SPTBN5: variants seen among roughly 807,000 people sequenced by gnomAD.
SPTBN5 encodes the protein spectrin beta, non-erythrocytic 5, also known as spectrin beta chain, non-erythrocytic 5.
SPTBN5 carries 513 observed loss-of-function variants against 477.6 expected under a neutral mutation model. The observed-to-expected ratio is 1.07, with a 90% CI of 1.00 to 1.16. The LOEUF is 1.16. Among genes scored for constraint, SPTBN5 ranks in the 50% most tolerant of loss-of-function variants. The pLI is 0.00. For missense variants in SPTBN5, 5,062 were observed against 4,731.8 expected, an observed-to-expected ratio of 1.07 and a Z score of -2.05; for synonymous variants, 2,169 against 2,011.7, an observed-to-expected ratio of 1.08 and a Z score of -2.09.
intron 51 of SPTBN5, 78 bp downstream of exon 51, chr15:41,857,160 G>A (rs184960936): frequency 2.0e-6 from 3 of 1,520,312 alleles, no homozygotes; most frequent in African/African-American, 1.4e-5. Context: ...AAAGTGAGAA[G>A]ACATCAGTTA....
rs2067282334 is a variant in SPTBN5 at position 41,890,673 on chromosome 15, G to A, written c.385-468C>T. Among the ~76,000 whole-genome samples the A allele has an allele frequency of 3.3e-5, 5 of 152,182 alleles. No individual in the cohort carries two copies. In the South Asian group the frequency reaches 6.2e-4, roughly 19 times the overall value. ...AATCTCAGCCCTCTTCTTCTGTTCCGGCTCCAACAGGGCCAGCTATAAATC... is the reference window on the plus strand; with the variant it reads ...AATCTCAGCCCTCTTCTTCTGTTCCAGCTCCAACAGGGCCAGCTATAAATC... On this transcript the variant is annotated intron_variant, in intron 3 of 67. Coordinates refer to ENST00000320955, the MANE Select transcript of SPTBN5 (RefSeq NM_016642.4).
At chr15:41,876,084 G>A in intron 21 of SPTBN5, 30 bp downstream of exon 21, 1 of 1,581,746 alleles carries the variant, frequency 6.3e-7, no homozygotes, top group Non-Finnish European at 8.6e-7. Context: ...AGACAAGGAG[G>A]CTCTGCACCC....
rs1195769498 is a variant in SPTBN5 at position 41,887,393 on chromosome 15, G to A, written c.708C>T (p.His236=). 2 of 1,554,380 alleles carry A rather than the reference G, an allele frequency of 1.3e-6. No homozygotes were observed. The highest frequency in any genetic ancestry group is 1.9e-5 in the Admixed American group (1 of 51,322). Residue 236 remains histidine, a synonymous_variant, in exon 6 of 68, where the codon CAC becomes CAT. Transcript: ENST00000320955. ...CCACCAGGAAAGCAAAAGCAAGGTTGTGCAGTGGGCGGTCTGGACGCAGGG... is the reference window on the plus strand; with the variant it reads ...CCACCAGGAAAGCAAAAGCAAGGTTATGCAGTGGGCGGTCTGGACGCAGGG... ...YGSLRPDRPL[H]NLAFAFLVAE... is the part of the protein sequence containing the mutation.
intron 66 of SPTBN5, 31 bp downstream of exon 66, chr15:41,850,823 G>A (rs374969278): frequency 1.3e-4 from 203 of 1,552,052 alleles, no homozygotes; most frequent in South Asian, 4.9e-4. Context: ...GGAGTCGGCC[G>A]CCCTCCCCGC....
chr15:41,887,507 T>G, intron 5 of SPTBN5, 66 bp from the exon 6 acceptor site: 9 of 1,253,540 alleles, frequency 7.2e-6, no homozygotes, highest in Admixed American at 6.0e-5. Flanking sequence ...AGTAGATTCT[T>G]AAATGCACTC....
intron 1 of SPTBN5, 130 bp from the exon 2 acceptor site, chr15:41,893,676 G>A (rs2067383618): frequency 1.7e-6 from 2 of 1,179,872 alleles, no homozygotes; most frequent in African/African-American, 3.1e-5. Flanking sequence ...CCAGGTAAGG[G>A]CCAGTGCTTC....
At chr15:41,867,717 G>A (rs1476240877) in intron 34 of SPTBN5, 75 bp from the exon 35 acceptor site, 12 of 1,374,904 alleles carry the variant, frequency 8.7e-6, no homozygotes, top group African/African-American at 1.4e-5. Flanking sequence ...CTGTGCCCAT[G>A]GGCACTCTGG....
Position 41,879,404 on chromosome 15 carries a change from TG to T in SPTBN5, c.3037del (p.Gln1013ArgfsTer48). 1.9e-6 allele frequency: 3 copies of T among 1,610,814 alleles called. No individual in the cohort carries two copies. The highest frequency in any genetic ancestry group is 2.5e-6 in the Non-Finnish European group (3 of 1,179,754). ...CSFLQECGPTQVQLRDVLLQL... is the reference protein window; with the variant it reads ...CSFLQECGPTXVQLRDVLLQL... Reference sequence around the variant, plus strand: ...GAGGAGCACGTCTCGCAGCTGGACCTGTGTGGGTCCACACTCCTGCAGAAAA... The same window carrying T: ...GAGGAGCACGTCTCGCAGCTGGACCTTGTGGGTCCACACTCCTGCAGAAAA... On this transcript the variant is annotated frameshift_variant, in exon 16 of 68. Coordinates refer to ENST00000320955, the MANE Select transcript of SPTBN5 (RefSeq NM_016642.4). LOFTEE classifies it high-confidence loss of function.
chr15:41,888,090 C>A lies in SPTBN5; in HGVS notation c.502-5G>T, dbSNP rs776459474. 6.4e-7 allele frequency: 1 copy of A among 1,563,362 alleles called. No individual in the cohort carries two copies. ...TGCGCTGGCCCCAAACTCCTCCTGG[C>A]GGGACAGGGCAGCAGGGTCACCATG... On this transcript the variant is annotated splice_polypyrimidine_tract_variant and splice_region_variant and intron_variant, in intron 4 of 67. Coordinates refer to ENST00000320955, the MANE Select transcript of SPTBN5 (RefSeq NM_016642.4).
rs186197781 is a variant in SPTBN5, at chr15:41,852,627, T to C, written c.10449+7A>G. 3.3e-5 allele frequency: 53 copies of C among 1,613,280 alleles called. No homozygotes were observed. In the Admixed American group the frequency reaches 8.7e-4, roughly 26 times the overall value. ...AGCCCTCAGCCCCTAGCCGAGGCAGTCGTCACCTCTGTCTTTTGCATTTGG... is the reference window on the plus strand; with the variant it reads ...AGCCCTCAGCCCCTAGCCGAGGCAGCCGTCACCTCTGTCTTTTGCATTTGG... On this transcript the variant is annotated splice_region_variant and intron_variant, in intron 61 of 67. Transcript: ENST00000320955.
At chr15:41,868,293 G>A (rs769068341) in intron 33 of SPTBN5, 75 bp from the exon 34 acceptor site, 9 of 1,560,050 alleles carry the variant, frequency 5.8e-6, no homozygotes, top group Middle Eastern at 1.8e-4. Flanking sequence ...CCTGAGGGAA[G>A]CTCCTGAGGA....
Position 41,876,656 on chromosome 15 carries a change from C to CGGT in SPTBN5, c.3852-10_3852-9insACC. ...GCAGCTGCTCTCTGACCCTGGAGGG[C>CGGT]GGGGGGGGGTTGGAGGAGGGCATGG... On this transcript the variant is annotated splice_polypyrimidine_tract_variant and intron_variant, in intron 19 of 67. Coordinates refer to ENST00000320955, the MANE Select transcript of SPTBN5 (RefSeq NM_016642.4). The CGGT allele has an allele frequency of 1.4e-6, 1 of 703,392 alleles. No individual in the cohort carries two copies. The highest frequency in any genetic ancestry group is 2.2e-6 in the Non-Finnish European group (1 of 455,614). The allele number at this position is 703,392 out of a possible 1,614,324, so 43.6% of individuals were successfully genotyped here.
intron 61 of SPTBN5, 127 bp downstream of exon 61, chr15:41,852,507 T>TAA: frequency 1.5e-6 from 2 of 1,312,112 alleles, no homozygotes; most frequent in Non-Finnish European, 2.2e-6. Context: ...CCACCGCAGC[T>TAA]GGCCAGGGAA....
In SPTBN5 at chr15:41,877,008, C is replaced by T. The variant is rs548617717; in HGVS notation, c.3712-60G>A. On this transcript the variant is annotated intron_variant, in intron 18 of 67. Coordinates refer to ENST00000320955, the MANE Select transcript of SPTBN5 (RefSeq NM_016642.4). ...GAATGGGGGTCAGGACCATCTCACC[C>T]GCCACTGCCCCAGGGGCCTCCTGCC... 5.2e-5 allele frequency: 82 copies of T among 1,583,246 alleles called. No homozygotes were observed. Among genetic ancestry groups the T allele is most frequent in the Middle Eastern group, 3.7e-4 (2 of 5,454 alleles).
chr15:41,855,602 G>C lies in SPTBN5; in HGVS notation c.9165C>G (p.Ile3055Met), dbSNP rs374980751. 3 of 1,611,538 alleles carry C rather than the reference G, an allele frequency of 1.9e-6. No homozygotes were observed. The highest frequency in any genetic ancestry group is 2.5e-6 in the Non-Finnish European group (3 of 1,179,758). The change falls in exon 54 of 68, where the codon ATC (isoleucine) becomes ATG (methionine). Residue 3055 changes from isoleucine to methionine, a missense_variant. Physicochemically the swap from Ile to Met is conservative, Grantham distance 10 (BLOSUM62 1). Transcript: ENST00000320955. ...KRDLEAFSPR[I>M]ERLQQTAALL... ...GTGCTGCTGTCTGCTGCAGCCGCTC[G>C]ATGCGTGGGCTGAACGCTTCCAGGT... is the stretch of plus-strand genomic sequence containing the variant.
At chr15:41,854,761 G>C in intron 56 of SPTBN5, 21 bp downstream of exon 56, 3 of 1,483,656 alleles carry the variant, frequency 2.0e-6, no homozygotes, top group Non-Finnish European at 2.7e-6. Context: ...CCTTAGCTTG[G>C]CCCGGCCTGT....
rs77192877 is a variant in SPTBN5 at position 41,866,898 on chromosome 15, C to T, written c.6480+61G>A. ...GCCTCACAGTGTTGCGGTGTGAAGGCGGCTGAAAACTGTCGAGTGTGGTTC... is the reference window on the plus strand; with the variant it reads ...GCCTCACAGTGTTGCGGTGTGAAGGTGGCTGAAAACTGTCGAGTGTGGTTC... On this transcript the variant is annotated intron_variant, in intron 36 of 67. Coordinates refer to ENST00000320955, the MANE Select transcript of SPTBN5 (RefSeq NM_016642.4). The T allele has an allele frequency of 7.2e-4, 1,078 of 1,490,016 alleles. 13 individuals carry two copies. The East Asian group carries it at 0.025, about 34-fold the overall frequency. 92.3% of individuals were successfully genotyped at this position (1,490,016 alleles called of 1,614,324 possible).
chr15:41,866,882 T>G (rs1004461746), intron 36 of SPTBN5, 77 bp downstream of exon 36: 5 of 1,456,514 alleles, frequency 3.4e-6, no homozygotes, highest in African/African-American at 2.8e-5. Flanking sequence ...CGCCTCACAG[T>G]GTTGCGGTGT....
At position 41,887,261 on chromosome 15, in the gene SPTBN5, G is replaced by A. The variant is rs368411385; in HGVS notation, c.840C>T (p.Tyr280=). The A allele has an allele frequency of 1.9e-6, 3 of 1,551,318 alleles. No individual in the cohort carries two copies. The highest frequency in any genetic ancestry group is 2.7e-5 in the African/African-American group (2 of 73,054). The change falls in exon 6 of 68, where the codon TAC becomes TAT. Residue 280 remains tyrosine (Y), a synonymous_variant. Coordinates refer to ENST00000320955, the MANE Select transcript of SPTBN5 (RefSeq NM_016642.4). Reference sequence around the variant, plus strand: ...TCTGCCCCTGATGCAGGCGGGAGCAGTAGTGGTAGTAGAGGGAGACGTAGG... The same window carrying A: ...TCTGCCCCTGATGCAGGCGGGAGCAATAGTGGTAGTAGAGGGAGACGTAGG... ...IMTYVSLYYH[Y]CSRLHQGQTV...
Sources: allele counts gnomAD v4.1 joint callset (sites outside exome capture counted in the v4.1 genomes callset), GRCh38; gene constraint gnomAD v4.1.1; transcripts MANE v1.5; gene names NCBI Gene and HGNC (gene_info 2026-07-23, HGNC 2026-07-21).